GRID2IP: variants seen among roughly 807,000 people sequenced by gnomAD.
GRID2IP encodes delphilin.
GRID2IP carries 78 observed loss-of-function variants against 114.3 expected under a neutral mutation model. That is an observed-to-expected ratio of 0.68 (90% confidence interval 0.57 to 0.82). GRID2IP has a LOEUF of 0.82. Among genes scored for constraint, GRID2IP ranks in the 40% least tolerant of loss-of-function variants. The pLI is 0.00. For synonymous variants in GRID2IP, 809 were observed against 724.0 expected, an observed-to-expected ratio of 1.12 and a Z score of -1.89; for missense variants, 1,727 against 1,678.5, an observed-to-expected ratio of 1.03 and a Z score of -0.51.
At chr7:6,530,510 A>AC (rs1220859032) in intron 2 of GRID2IP, among the ~76,000 whole-genome samples, 5 of 144,732 alleles carry the variant, frequency 3.5e-5, no homozygotes, top group Non-Finnish European at 6.1e-5. Context: ...GAAGATCCGC[A>AC]CCCCCCACCC....
In GRID2IP at chr7:6,516,303, A is replaced by G. The variant is rs1779298330; in HGVS notation, c.1269-1774T>C. Among the ~76,000 whole-genome samples the G allele has an allele frequency of 6.6e-6, 1 of 152,012 alleles. No individual in the cohort carries two copies. Among genetic ancestry groups the G allele is most frequent in the Non-Finnish European group, 1.5e-5 (1 of 68,000 alleles). Reference sequence around the variant, plus strand: ...CATAGAATAAGAATAGTTATACTAGAAATAGATTATAGATATGTATATGAA... The same window carrying G: ...CATAGAATAAGAATAGTTATACTAGGAATAGATTATAGATATGTATATGAA... On this transcript the variant is annotated intron_variant, in intron 7 of 21. Transcript: ENST00000457091. This position sits in a 1 kb window ranked among gnomAD's most constrained non-coding sequence, Gnocchi z 4.3.
In GRID2IP at chr7:6,508,407, G is replaced by C; in HGVS notation, c.2128-6C>G. On this transcript the variant is annotated splice_region_variant and splice_polypyrimidine_tract_variant and intron_variant, in intron 12 of 21. Coordinates refer to ENST00000457091, the MANE Select transcript of GRID2IP (RefSeq NM_001145118.2). This position sits in a 1 kb window ranked among gnomAD's most constrained non-coding sequence, Gnocchi z 5.6. Reference sequence around the variant, plus strand: ...TGGTCATCATGGAAGCTCATCTGGTGGTGGGGAGAGAGGCAAGGGGAGGGT... The same window carrying C: ...TGGTCATCATGGAAGCTCATCTGGTCGTGGGGAGAGAGGCAAGGGGAGGGT... 7.1e-6 allele frequency: 11 copies of C among 1,551,148 alleles called. No individual in the cohort carries two copies. Among genetic ancestry groups the C allele is most frequent in the Non-Finnish European group, 9.6e-6 (11 of 1,147,062 alleles).
At position 6,510,620 on chromosome 7, in the gene GRID2IP, TG is replaced by T; in HGVS notation, c.1641del (p.Asn548ThrfsTer4). On this transcript the variant is annotated frameshift_variant, in exon 10 of 22. Coordinates refer to ENST00000457091, the MANE Select transcript of GRID2IP (RefSeq NM_001145118.2). LOFTEE classifies it high-confidence loss of function. ...AGDGTSLPETPNPKMMSAVYA... is the reference protein window; with the variant it reads ...AGDGTSLPETXNPKMMSAVYA... ...AGAGAAGGTCTCACCATCTTGGGGT[TG>T]GGGGTCTCAGGGAGGGACGTGCCGT... 1 of 1,536,300 alleles carries T rather than the reference TG, an allele frequency of 6.5e-7. No homozygotes were observed. The highest frequency in any genetic ancestry group is 1.7e-4 in the Middle Eastern group (1 of 5,900).
chr7:6,536,038 C>T lies in GRID2IP; in HGVS notation c.584+3680G>A, dbSNP rs2115092839. The stretch of plus-strand genomic sequence containing the variant: ...AACTGGCACCCAACCCTGGGAATCA[C>T]AGCTGCGTCTGTGGCTTCTCCATGC... On this transcript the variant is annotated intron_variant, in intron 2 of 21. Transcript: ENST00000457091. The surrounding 1 kb of genome is among the most constrained non-coding windows in gnomAD (Gnocchi z 5.3). Among the ~76,000 whole-genome samples the T allele has an allele frequency of 6.6e-6, 1 of 152,348 alleles. No homozygotes were observed. Among genetic ancestry groups the T allele is most frequent in the African/African-American group, 2.4e-5 (1 of 41,586 alleles).
At position 6,508,083 on chromosome 7, in the gene GRID2IP, G is replaced by C. The variant is rs1320361100; in HGVS notation, c.2446C>G (p.Arg816Gly). ...TCACTGCGCCGGTGGCCCAGGCCCCGGGACAGCATGGGGGGTGCACAGGGC... is the reference window on the plus strand; with the variant it reads ...TCACTGCGCCGGTGGCCCAGGCCCCCGGACAGCATGGGGGGTGCACAGGGC... Reference protein sequence around the residue: ...PVPCAPPMLSRGLGHRRSETS... With the variant: ...PVPCAPPMLSGGLGHRRSETS... The change falls in exon 13 of 22, where the codon CGG becomes GGG. Residue 816 changes from arginine to glycine, a missense_variant. Coordinates refer to ENST00000457091, the MANE Select transcript of GRID2IP (RefSeq NM_001145118.2). The surrounding 1 kb of genome is among the most constrained non-coding windows in gnomAD (Gnocchi z 5.6). 3.2e-6 allele frequency: 5 copies of C among 1,545,596 alleles called. No homozygotes were observed. In the East Asian group the frequency reaches 1.2e-4, roughly 38 times the overall value.
In GRID2IP at chr7:6,503,871, G is replaced by A. The variant is rs572011222; in HGVS notation, c.2711-184C>T. Among the ~76,000 whole-genome samples the A allele has an allele frequency of 1.6e-3, 250 of 151,982 alleles. 1 individual carries two copies. The highest frequency in any genetic ancestry group is 5.8e-3 in the African/African-American group (241 of 41,466). ...CGGGGACAAGAGGCTGAGCTGAGGC[G>A]GCTCCCGAATGGGGAGAGGACGGCG... On this transcript the variant is annotated intron_variant, in intron 15 of 21. Transcript: ENST00000457091.
intron 2 of GRID2IP, among the ~76,000 whole-genome samples, chr7:6,529,681 G>A (rs983731300): frequency 7.9e-5 from 12 of 152,168 alleles, no homozygotes; most frequent in Non-Finnish European, 2.9e-5. Flanking sequence ...TGACCCAGCA[G>A]AGCCAGGAGC....
intron 18 of GRID2IP, among the ~76,000 whole-genome samples, chr7:6,502,548 C>G (rs1031855151): frequency 1.3e-5 from 2 of 152,164 alleles, no homozygotes; most frequent in African/African-American, 4.8e-5. Flanking sequence ...CTTTCCAACT[C>G]TCTTCCCTCA....
intron 20 of GRID2IP, among the ~76,000 whole-genome samples, chr7:6,500,616 C>G: frequency 6.6e-6 from 1 of 152,008 alleles, no homozygotes; most frequent in East Asian, 1.9e-4. Context: ...CCTACTCAGA[C>G]ACTCACCCGC....
Position 6,520,886 on chromosome 7 carries a change from G to A in GRID2IP, c.1085-125C>T, listed in dbSNP as rs1779398764. 1 of 905,794 alleles carries A rather than the reference G, an allele frequency of 1.1e-6. No individual in the cohort carries two copies. The highest frequency in any genetic ancestry group is 1.7e-5 in the African/African-American group (1 of 60,178). 56.1% of individuals were successfully genotyped at this position (905,794 alleles called of 1,614,324 possible). A position where few individuals can be genotyped will look rare whatever the true frequency, so the allele number is the denominator to read the frequency against. On this transcript the variant is annotated intron_variant, in intron 6 of 21. Transcript: ENST00000457091. This position sits in a 1 kb window ranked among gnomAD's most constrained non-coding sequence, Gnocchi z 4.6. Reference sequence around the variant, plus strand: ...GTGTGGCTGTCCAGTGCCATGCATGGGAAGGCATGCCTGTGGCCCGACACC... The same window carrying A: ...GTGTGGCTGTCCAGTGCCATGCATGAGAAGGCATGCCTGTGGCCCGACACC...
At position 6,514,415 on chromosome 7, in the gene GRID2IP, C is replaced by T. The variant is rs1779250597; in HGVS notation, c.1383G>A (p.Gln461=). ...LLTYEEQELC[Q]EKIACFLGYT... ...AGCCCAGGAAGCATGCGATTTTCTC[C>T]TGACAGAGCTCCTGCTCCTCATAGG... The change falls in exon 8 of 22, where the codon CAG becomes CAA. Residue 461 remains glutamine, a synonymous_variant. Coordinates refer to ENST00000457091, the MANE Select transcript of GRID2IP (RefSeq NM_001145118.2). 6.5e-7 allele frequency: 1 copy of T among 1,546,506 alleles called. No homozygotes were observed.
intron 18 of GRID2IP, 130 bp from the exon 19 acceptor site, chr7:6,502,248 A>G: frequency 4.8e-6 from 4 of 825,472 alleles, no homozygotes; most frequent in East Asian, 2.7e-5. Flanking sequence ...TTTTAATAGC[A>G]GGGTCTTGCT....
At chr7:6,512,083 AT>A (rs548008337) in intron 8 of GRID2IP, among the ~76,000 whole-genome samples, 169 of 139,560 alleles carry the variant, frequency 1.2e-3, no homozygotes, top group South Asian at 8.3e-3. Flanking sequence ...AAATTTTTGT[AT>A]TTTTTTTTTT....
At position 6,534,753 on chromosome 7, in the gene GRID2IP, G is replaced by A. The variant is rs1443650715; in HGVS notation, c.584+4965C>T. ...AACAGAGTCTGGCTCTGTCACCCAG[G>A]CTGGAGGCTGGAGTGCAGTGGCTTG... On this transcript the variant is annotated intron_variant, in intron 2 of 21. Coordinates refer to ENST00000457091, the MANE Select transcript of GRID2IP (RefSeq NM_001145118.2). The surrounding 1 kb of genome is among the most constrained non-coding windows in gnomAD (Gnocchi z 4.5). Among the ~76,000 whole-genome samples the A allele has an allele frequency of 6.6e-6, 1 of 152,096 alleles. No homozygotes were observed. Among genetic ancestry groups the A allele is most frequent in the Non-Finnish European group, 1.5e-5 (1 of 68,012 alleles).
Position 6,542,481 on chromosome 7 carries a change from C to G in GRID2IP, c.430-2609G>C, listed in dbSNP as rs564299163. On this transcript the variant is annotated intron_variant, in intron 1 of 21. Transcript: ENST00000457091. The stretch of plus-strand genomic sequence containing the variant: ...CCATCCTGGGCAACATAGCATGACC[C>G]CATTTCTACAAACAAATTTTTTTTA... Among the ~76,000 whole-genome samples, 15 of 152,032 alleles carry G rather than the reference C, an allele frequency of 9.9e-5. 1 individual carries two copies. In the South Asian group the frequency reaches 3.1e-3, roughly 32 times the overall value.
chr7:6,537,860 C>T (rs916511945), intron 2 of GRID2IP, among the ~76,000 whole-genome samples: 1 of 151,606 alleles, frequency 6.6e-6, no homozygotes, highest in South Asian at 2.1e-4. Context: ...AAAAAAGCTT[C>T]GAGCAAAACA....
At chr7:6,511,156 G>A (rs897848740) in intron 8 of GRID2IP, 117 bp from the exon 9 acceptor site, 16 of 1,250,888 alleles carry the variant, frequency 1.3e-5, no homozygotes, top group South Asian at 5.8e-5. Context: ...CCCAAGCTAC[G>A]GGGCCTGCCC....
intron 7 of GRID2IP, among the ~76,000 whole-genome samples, chr7:6,515,964 G>A (rs1349217731): frequency 1.3e-5 from 2 of 151,894 alleles, no homozygotes; most frequent in African/African-American, 4.8e-5. Context: ...AGGCGTGGTG[G>A]TGTGTGCCTG....
intron 7 of GRID2IP, among the ~76,000 whole-genome samples, chr7:6,515,000 G>A (rs575492914): frequency 6.6e-6 from 1 of 151,198 alleles, no homozygotes; most frequent in Non-Finnish European, 1.5e-5. Flanking sequence ...GAAGTGGGCA[G>A]GAAGGCAGGC....
Sources: gnomAD v4.1 joint callset for allele counts (sites outside exome capture counted in the v4.1 genomes callset) on GRCh38, gnomAD v4.1.1 for gene constraint, Gnocchi (gnomAD v3.1) non-coding constraint, MANE v1.5 for transcripts, NCBI Gene and HGNC (gene_info 2026-07-23, HGNC 2026-07-21) for gene names.